Variants in KCNG3 observed in about 807,000 individuals in gnomAD.
The protein encoded by KCNG3 is potassium voltage-gated channel modifier subfamily G member 3.
Under a neutral mutation model 29.0 loss-of-function variants are expected in KCNG3, and 15 were observed. The observed-to-expected ratio is 0.52, with a 90% CI of 0.35 to 0.80. KCNG3 has a LOEUF of 0.80. Ranked by LOEUF, KCNG3 falls within the 30% of genes least tolerant of loss-of-function variation. The pLI is 0.01. For missense variants in KCNG3, 512 were observed against 605.7 expected (o/e 0.85, Z 1.62); for synonymous variants, 322 against 248.9 (o/e 1.29, Z -2.76).
At chr2:42,398,141 T>C in the KCNG3 span, among the ~76,000 whole-genome samples, 2 of 151,856 alleles carry the variant, frequency 1.3e-5, no homozygotes, top group Admixed American at 6.6e-5. Flanking sequence ...AAGAATGGCG[T>C]GATCCCAGGA....
the KCNG3 span, among the ~76,000 whole-genome samples, chr2:42,405,504 T>C: frequency 3.3e-5 from 5 of 151,960 alleles, no homozygotes; most frequent in African/African-American, 1.2e-4. Context: ...AGTGGCGTGA[T>C]CTCAGCTCAC....
intron 1 of KCNG3, among the ~76,000 whole-genome samples, chr2:42,457,564 T>C (rs1343889899): frequency 6.7e-6 from 1 of 149,944 alleles, no homozygotes; most frequent in Admixed American, 6.7e-5. Flanking sequence ...TTTACAAGGC[T>C]GGCCAGGCAC....
intron 1 of KCNG3, among the ~76,000 whole-genome samples, chr2:42,466,753 C>CCTTTTTTTTTT (rs1553329191): frequency 7.4e-6 from 1 of 134,270 alleles, no homozygotes. Context: ...AATACTCTTC[C>CCTTTTTTTTTT]TTTTTTTTTT....
At chr2:42,475,941 C>T (rs990564692) in intron 1 of KCNG3, among the ~76,000 whole-genome samples, 1 of 152,032 alleles carries the variant, frequency 6.6e-6, no homozygotes, top group African/African-American at 2.4e-5. Flanking sequence ...TGGCACATGC[C>T]TGTAATCCCA....
the KCNG3 span, among the ~76,000 whole-genome samples, chr2:42,420,185 T>C: frequency 8.0e-3 from 1,221 of 152,028 alleles, 20 homozygotes; most frequent in African/African-American, 0.028. Flanking sequence ...GATCACACCA[T>C]TGAACTCCAG....
rs573120977 is a variant in KCNG3 at position 42,468,683 on chromosome 2, A to G, written c.666-24104T>C. On this transcript the variant is annotated intron_variant, in intron 1 of 1. Transcript: ENST00000306078. ...AAATGCCCACTCTCAGGCTGGGCGC[A>G]GTGTCTCACGCCTGTAATCTCAGCA... Among the ~76,000 whole-genome samples, 34 of 152,224 alleles carry G rather than the reference A, an allele frequency of 2.2e-4. No individual in the cohort carries two copies. In the East Asian group the frequency reaches 5.0e-3, roughly 22 times the overall value.
At chr2:42,488,865 AATT>A (rs1673800024) in intron 1 of KCNG3, among the ~76,000 whole-genome samples, 1 of 150,696 alleles carries the variant, frequency 6.6e-6, no homozygotes, top group Non-Finnish European at 1.5e-5. Context: ...CAGCATTTTA[AATT>A]ATACAATAGA....
At chr2:42,428,242 T>C in the KCNG3 span, among the ~76,000 whole-genome samples, 29 of 151,530 alleles carry the variant, frequency 1.9e-4, 1 homozygote, top group South Asian at 5.6e-3. Context: ...GGTGGATCAT[T>C]TGAGGTCAGG....
At chr2:42,492,780 C>T in intron 1 of KCNG3, 57 bp downstream of exon 1, 1 of 1,371,686 alleles carries the variant, frequency 7.3e-7, no homozygotes, top group Non-Finnish European at 9.5e-7. Context: ...GACGTATGGA[C>T]GGGACGGACA....
At chr2:42,393,812 G>A in the KCNG3 span, among the ~76,000 whole-genome samples, 4 of 151,624 alleles carry the variant, frequency 2.6e-5, no homozygotes, top group South Asian at 2.1e-4. Flanking sequence ...ACAGAGTCTC[G>A]GTCTGTCGCC....
At chr2:42,431,954 G>A in the KCNG3 span, among the ~76,000 whole-genome samples, 1 of 150,632 alleles carries the variant, frequency 6.6e-6, no homozygotes, top group African/African-American at 2.4e-5. Context: ...CAGGAGAATC[G>A]CTTGAACCCA....
chr2:42,438,818 G>A (rs1406521080), downstream of KCNG3, among the ~76,000 whole-genome samples: 1 of 152,174 alleles, frequency 6.6e-6, no homozygotes. Context: ...CTGCAAATGA[G>A]GCAGTAAATC....
At chr2:42,408,581 C>G in the KCNG3 span, among the ~76,000 whole-genome samples, 1 of 152,104 alleles carries the variant, frequency 6.6e-6, no homozygotes, top group Non-Finnish European at 1.5e-5. Flanking sequence ...GAGCTGAACA[C>G]TTGTTGGGAC....
intron 1 of KCNG3, among the ~76,000 whole-genome samples, 173 bp downstream of exon 1, chr2:42,492,664 G>A (rs368730229): frequency 7.2e-5 from 11 of 152,336 alleles, no homozygotes; most frequent in African/African-American, 2.6e-4. Context: ...CCCGGACAAC[G>A]GGGTAGGAGT....
downstream of KCNG3, among the ~76,000 whole-genome samples, chr2:42,439,980 G>A (rs945576026): frequency 6.6e-5 from 10 of 152,062 alleles, no homozygotes; most frequent in African/African-American, 2.4e-4. Context: ...CATGGCTTCC[G>A]AAGTTACAAG....
At chr2:42,431,245 CTGTTATGAATAGT>C in the KCNG3 span, among the ~76,000 whole-genome samples, 3 of 151,936 alleles carry the variant, frequency 2.0e-5, no homozygotes, top group African/African-American at 7.3e-5. Flanking sequence ...CTAAGAATAG[CTGTTATGAATAGT>C]ACTGAATACA....
rs929750676 is a variant in KCNG3, at chr2:42,466,201, T to A, written c.666-21622A>T. The stretch of plus-strand genomic sequence containing the variant: ...TAGGCGGATCACCTAAGGTCAGGAG[T>A]TCGAGACCAGCCTGGTCAACATGGT... On this transcript the variant is annotated intron_variant, in intron 1 of 1. Coordinates refer to ENST00000306078, the MANE Select transcript of KCNG3 (RefSeq NM_133329.6). 3.9e-5 allele frequency among the ~76,000 whole-genome samples: 6 copies of A among 152,162 alleles called. No individual in the cohort carries two copies. In the East Asian group the frequency reaches 5.8e-4, roughly 15 times the overall value.
rs149986938 is a variant in KCNG3 at position 42,493,256 on chromosome 2, C to T, written c.246G>A (p.Lys82=). The change falls in exon 1 of 2, where the codon AAG becomes AAA. Residue 82 remains lysine (K), a synonymous_variant. Coordinates refer to ENST00000306078, the MANE Select transcript of KCNG3 (RefSeq NM_133329.6). ...CGCACATCCGCGGCGCGAAGCGCAGCTTGCCGTGGCCGCGCACGTAGAGCA... is the reference window on the plus strand; with the variant it reads ...CGCACATCCGCGGCGCGAAGCGCAGTTTGCCGTGGCCGCGCACGTAGAGCA... The part of the protein sequence containing the change: ...FILLYVRGHG[K]LRFAPRMCEL... 73 of 1,612,096 alleles carry T rather than the reference C, an allele frequency of 4.5e-5. No individual in the cohort carries two copies. In the African/African-American group the frequency reaches 8.5e-4, roughly 19 times the overall value.
Position 42,442,231 on chromosome 2 carries a change from C to G in KCNG3, c.*1703G>C, listed in dbSNP as rs1672502599. 1 of 151,972 alleles carries G rather than the reference C, an allele frequency of 6.6e-6. No homozygotes were observed. The highest frequency in any genetic ancestry group is 2.1e-4 in the South Asian group (1 of 4,824). 9.4% of individuals were successfully genotyped at this position (151,972 alleles called of 1,614,324 possible). A position where few individuals can be genotyped will look rare whatever the true frequency, so the allele number is the denominator to read the frequency against. ...ACTAGCAGTAATAGGGAAAATAGGG[C>G]AAGATATTTAATGGCCAAACTATTA... On this transcript the variant is annotated 3_prime_UTR_variant, in exon 2 of 2. Coordinates refer to ENST00000306078, the MANE Select transcript of KCNG3 (RefSeq NM_133329.6).
Sources: allele counts gnomAD v4.1 joint callset (sites outside exome capture counted in the v4.1 genomes callset), GRCh38; gene constraint gnomAD v4.1.1; transcripts MANE v1.5; gene names NCBI Gene and HGNC (gene_info 2026-07-23, HGNC 2026-07-21).